The following ALCAM variants were observed in gnomAD, a reference collection of about 807,000 sequenced individuals.
The protein encoded by ALCAM is CD166 antigen.
ALCAM carries 30 observed loss-of-function variants against 70.9 expected under a neutral mutation model. The observed-to-expected ratio is 0.42, with a 90% confidence interval of 0.32 to 0.57. The LOEUF (loss-of-function observed/expected upper bound fraction) is 0.57. Ranked by LOEUF, ALCAM falls within the 20% of genes least tolerant of loss-of-function variation. The pLI is 0.11. For missense variants in ALCAM, 591 were observed against 695.1 expected, an observed-to-expected ratio of 0.85 and a Z score of 1.68; for synonymous variants, 249 against 242.5, an observed-to-expected ratio of 1.03 and a Z score of -0.25.
intron 1 of ALCAM, among the ~76,000 whole-genome samples, chr3:105,507,928 T>C (rs1939127290): frequency 6.6e-6 from 1 of 152,100 alleles, no homozygotes; most frequent in Non-Finnish European, 1.5e-5. Context: ...GAAATGCATA[T>C]AGGGCTCCTC....
At chr3:105,549,142 C>T (rs950532091) in intron 11 of ALCAM, among the ~76,000 whole-genome samples, 3 of 151,414 alleles carry the variant, frequency 2.0e-5, no homozygotes, top group African/African-American at 7.3e-5. Context: ...AATAATAATG[C>T]CATCTTTCAT....
chr3:105,481,029 T>C (rs182398441), intron 1 of ALCAM, among the ~76,000 whole-genome samples: 33 of 152,248 alleles, frequency 2.2e-4, no homozygotes, highest in African/African-American at 6.3e-4. Flanking sequence ...CCAGAGAGGC[T>C]AAAAGTAGCA....
chr3:105,527,256 T>C (rs1004470976), intron 3 of ALCAM, among the ~76,000 whole-genome samples: 1 of 152,102 alleles, frequency 6.6e-6, no homozygotes, highest in African/African-American at 2.4e-5. Context: ...GTTCTAGTGA[T>C]TGTGAAAAAG....
Position 105,552,597 on chromosome 3 carries a change from A to G in ALCAM, c.1664+12A>G, listed in dbSNP as rs534833849. ...ATGAAGAAGTCAAAGTGAGTTGTGG[A>G]AAAAAGATCTTCATCGTTCATTGAC... On this transcript the variant is annotated intron_variant, in intron 14 of 15. Coordinates refer to ENST00000306107, the MANE Select transcript of ALCAM (RefSeq NM_001627.4). The G allele has an allele frequency of 3.3e-5, 53 of 1,610,852 alleles. No homozygotes were observed. The East Asian group carries it at 7.6e-4, about 23-fold the overall frequency.
Position 105,547,167 on chromosome 3 carries a change from T to A in ALCAM, c.1123T>A (p.Ser375Thr). Residue 375 changes from serine (S) to threonine (T), a missense_variant, in exon 10 of 16, where the codon TCT (serine) becomes ACT (threonine). Physicochemically the swap from Ser to Thr is moderately conservative, Grantham distance 58. Around this residue, in one of 2 missense-constraint regions of ALCAM, gnomAD observed 427 missense variants for 450.4 expected, o/e 0.95. Coordinates refer to ENST00000306107, the MANE Select transcript of ALCAM (RefSeq NM_001627.4). Reference protein sequence around the residue: ...VWMKDNIRLRSSPSFSSLHYQ... With the variant: ...VWMKDNIRLRTSPSFSSLHYQ... ...TAATCAGGATAACATCAGGCTTCGA[T>A]CTAGCCCGTCATTTTCTAGTCTTCA... 3 of 1,597,682 alleles carry A rather than the reference T, an allele frequency of 1.9e-6. No homozygotes were observed. The highest frequency in any genetic ancestry group is 2.6e-6 in the Non-Finnish European group (3 of 1,173,732).
intron 1 of ALCAM, among the ~76,000 whole-genome samples, chr3:105,416,004 A>G (rs1337274789): frequency 6.6e-6 from 1 of 151,996 alleles, no homozygotes; most frequent in Non-Finnish European, 1.5e-5. Context: ...GCTAAGACAA[A>G]CCAGATATGC....
At chr3:105,447,288 A>C (rs1021507452) in intron 1 of ALCAM, among the ~76,000 whole-genome samples, 15 of 152,218 alleles carry the variant, frequency 9.9e-5, no homozygotes, top group African/African-American at 3.6e-4. Context: ...TACTAAAAAA[A>C]AATTAGAATG....
chr3:105,456,195 A>G (rs1937533631), intron 1 of ALCAM, among the ~76,000 whole-genome samples: 1 of 152,228 alleles, frequency 6.6e-6, no homozygotes, highest in African/African-American at 2.4e-5. Flanking sequence ...TGCTCTCTGC[A>G]GGAGCAGTCA....
Position 105,550,121 on chromosome 3 carries a change from T to C in ALCAM, c.1375-6T>C. Reference sequence around the variant, plus strand: ...TCTAAACCCACCTTTTTTCTTCTTTTTCCAGACAGAGGAATCTCCTTATAT... The same window carrying C: ...TCTAAACCCACCTTTTTTCTTCTTTCTCCAGACAGAGGAATCTCCTTATAT... On this transcript the variant is annotated splice_region_variant and splice_polypyrimidine_tract_variant and intron_variant, in intron 11 of 15. Transcript: ENST00000306107. The C allele has an allele frequency of 2.5e-6, 4 of 1,577,628 alleles. No individual in the cohort carries two copies. Among genetic ancestry groups the C allele is most frequent in the Non-Finnish European group, 3.5e-6 (4 of 1,156,160 alleles).
At chr3:105,402,538 G>A (rs1222605551) in intron 1 of ALCAM, among the ~76,000 whole-genome samples, 1 of 152,200 alleles carries the variant, frequency 6.6e-6, no homozygotes, top group East Asian at 1.9e-4. Context: ...GGTGCTGTTG[G>A]TGGGGCATGG....
At chr3:105,458,590 G>T (rs1410412333) in intron 1 of ALCAM, among the ~76,000 whole-genome samples, 1 of 152,156 alleles carries the variant, frequency 6.6e-6, no homozygotes, top group Non-Finnish European at 1.5e-5. Flanking sequence ...GTGTAAGTTA[G>T]ATTAGTAAAC....
intron 1 of ALCAM, among the ~76,000 whole-genome samples, chr3:105,408,750 A>C (rs1321694864): frequency 1.3e-5 from 2 of 152,190 alleles, no homozygotes; most frequent in Non-Finnish European, 2.9e-5. Flanking sequence ...AACAGTCAGC[A>C]GAGTAAACAG....
chr3:105,572,816 C>CGGAAA (rs1434610470), intron 15 of ALCAM, among the ~76,000 whole-genome samples: 26 of 152,204 alleles, frequency 1.7e-4, no homozygotes, highest in Non-Finnish European at 1.5e-5. Flanking sequence ...TTACCAGTTT[C>CGGAAA]CCCCACTCCC....
chr3:105,421,494 A>G (rs1273667083), intron 1 of ALCAM, among the ~76,000 whole-genome samples: 2 of 151,564 alleles, frequency 1.3e-5, no homozygotes, highest in Admixed American at 6.6e-5. Context: ...TAAAAAAAGA[A>G]GACAAATAGA....
chr3:105,474,408 TGA>T (rs1173135032), intron 1 of ALCAM, among the ~76,000 whole-genome samples: 1 of 151,786 alleles, frequency 6.6e-6, no homozygotes, highest in Non-Finnish European at 1.5e-5. Flanking sequence ...AAAAATTTTA[TGA>T]GAATATATTT....
chr3:105,530,471 C>T (rs1939811197), intron 3 of ALCAM, among the ~76,000 whole-genome samples: 1 of 151,886 alleles, frequency 6.6e-6, no homozygotes, highest in East Asian at 1.9e-4. Flanking sequence ...TGGTCACTAT[C>T]CTACCAATCA....
chr3:105,446,714 A>G (rs571961842), intron 1 of ALCAM, among the ~76,000 whole-genome samples: 1 of 152,186 alleles, frequency 6.6e-6, no homozygotes, highest in South Asian at 2.1e-4. Flanking sequence ...AACATGGATG[A>G]CACTTGAGGA....
chr3:105,538,760 C>T (rs754400852), intron 6 of ALCAM, among the ~76,000 whole-genome samples: 15 of 152,172 alleles, frequency 9.9e-5, no homozygotes, highest in Middle Eastern at 3.4e-3. Flanking sequence ...TCAACCTCAC[C>T]GGAAACTGCT....
At chr3:105,381,295 A>C (rs1257238508) in intron 1 of ALCAM, among the ~76,000 whole-genome samples, 1 of 152,002 alleles carries the variant, frequency 6.6e-6, no homozygotes, top group Non-Finnish European at 1.5e-5. Context: ...TAGATATTAT[A>C]CATAAAGAAG....
Sources: allele counts gnomAD v4.1 joint callset (sites outside exome capture counted in the v4.1 genomes callset), GRCh38; gene constraint gnomAD v4.1.1; regional missense constraint gnomAD v4.1.1; transcripts MANE v1.5; gene names NCBI Gene and HGNC (gene_info 2026-07-23, HGNC 2026-07-21).